CHRM5: variants seen among roughly 807,000 people sequenced by gnomAD.
The protein encoded by CHRM5 is muscarinic acetylcholine receptor M5.
A neutral mutation model predicts 39.0 loss-of-function variants in CHRM5; 18 were observed. That is an observed-to-expected ratio of 0.46 (90% CI 0.32 to 0.68). CHRM5 has a LOEUF of 0.68. Among genes scored for constraint, CHRM5 ranks in the 30% least tolerant of loss-of-function variants. The pLI, the probability that CHRM5 is intolerant of heterozygous loss-of-function variation, is 0.04. For synonymous variants in CHRM5, 241 were observed against 246.3 expected (o/e 0.98, Z 0.20); for missense variants, 515 against 651.1 (o/e 0.79, Z 2.28).
chr15:34,061,519 ATATT>A (rs1365355022), intron 2 of CHRM5, among the ~76,000 whole-genome samples: 1 of 152,198 alleles, frequency 6.6e-6, no homozygotes, highest in Non-Finnish European at 1.5e-5. Flanking sequence ...TTGTATTTAA[ATATT>A]TATTTATTAG....
intron 1 of CHRM5, among the ~76,000 whole-genome samples, chr15:33,988,693 C>G (rs1399667183): frequency 1.3e-5 from 2 of 152,116 alleles, no homozygotes; most frequent in African/African-American, 2.4e-5. Flanking sequence ...ACTTAACACA[C>G]AAGTAAAACA....
intron 2 of CHRM5, among the ~76,000 whole-genome samples, chr15:34,049,953 T>G (rs965659903): frequency 6.7e-6 from 1 of 148,904 alleles, no homozygotes; most frequent in African/African-American, 2.5e-5. Flanking sequence ...AGTGGCACAA[T>G]CTCAGCTCAC....
At chr15:34,020,325 A>C (rs1362871546) in intron 1 of CHRM5, among the ~76,000 whole-genome samples, 1 of 152,148 alleles carries the variant, frequency 6.6e-6, no homozygotes, top group Non-Finnish European at 1.5e-5. Flanking sequence ...AAAAAAGAAA[A>C]AAAAATAGAG....
rs897230954 is a variant in CHRM5, at chr15:33,988,116, C to G, written c.-408+18966C>G. 2.6e-5 allele frequency among the ~76,000 whole-genome samples: 4 copies of G among 152,238 alleles called. 1 individual carries two copies. Among genetic ancestry groups the G allele is most frequent in the East Asian group, 1.9e-4 (1 of 5,194 alleles). On this transcript the variant is annotated intron_variant, in intron 1 of 2. Coordinates refer to ENST00000383263, the MANE Select transcript of CHRM5 (RefSeq NM_012125.4). Reference sequence around the variant, plus strand: ...TCTGTCCAGGTGCCTGCCTCCAGCCCAAAGGCAGCTTCTTAACCAACCACA... The same window carrying G: ...TCTGTCCAGGTGCCTGCCTCCAGCCGAAAGGCAGCTTCTTAACCAACCACA...
At chr15:34,055,018 C>T (rs1366301371) in intron 2 of CHRM5, among the ~76,000 whole-genome samples, 1 of 151,944 alleles carries the variant, frequency 6.6e-6, no homozygotes, top group African/African-American at 2.4e-5. Context: ...CATGGAGAAA[C>T]CCCATCTCTA....
chr15:34,024,612 G>A (rs558001575), intron 1 of CHRM5, among the ~76,000 whole-genome samples: 2 of 152,154 alleles, frequency 1.3e-5, no homozygotes, highest in East Asian at 3.9e-4. Context: ...CAGCACTTTG[G>A]GAGGCCGAGG....
At chr15:33,982,188 A>T (rs1159378313) in intron 1 of CHRM5, among the ~76,000 whole-genome samples, 1 of 152,134 alleles carries the variant, frequency 6.6e-6, no homozygotes, top group Non-Finnish European at 1.5e-5. Context: ...TTATTTTAAC[A>T]CATTTGTTAA....
intron 1 of CHRM5, among the ~76,000 whole-genome samples, chr15:34,024,268 A>G (rs936927560): frequency 5.9e-5 from 9 of 152,188 alleles, no homozygotes; most frequent in Non-Finnish European, 1.3e-4. Context: ...TTATAAATAC[A>G]TAAGACACCA....
chr15:34,019,272 T>A (rs1898102802), intron 1 of CHRM5, among the ~76,000 whole-genome samples: 1 of 152,230 alleles, frequency 6.6e-6, no homozygotes, highest in African/African-American at 2.4e-5. Context: ...CTTTTAAAAG[T>A]AGAAAAGTAT....
chr15:34,002,618 A>G (rs1897178922), intron 1 of CHRM5, among the ~76,000 whole-genome samples: 1 of 152,202 alleles, frequency 6.6e-6, no homozygotes, highest in Non-Finnish European at 1.5e-5. Context: ...ATCCACTACT[A>G]TGTATATACC....
chr15:34,002,873 C>T (rs1368490586), intron 1 of CHRM5, among the ~76,000 whole-genome samples: 2 of 152,102 alleles, frequency 1.3e-5, no homozygotes, highest in Admixed American at 1.3e-4. Flanking sequence ...TCATTTTTTT[C>T]CCTTACAAGC....
chr15:33,983,128 C>CTG (rs373285133), intron 1 of CHRM5, among the ~76,000 whole-genome samples: 17,669 of 134,968 alleles, frequency 0.13, 1,239 homozygotes, highest in Middle Eastern at 0.2. Context: ...TGTCCATACT[C>CTG]TGTGTGTGTG....
At chr15:34,055,530 A>G (rs538592264) in intron 2 of CHRM5, among the ~76,000 whole-genome samples, 1 of 151,110 alleles carries the variant, frequency 6.6e-6, no homozygotes, top group South Asian at 2.1e-4. Context: ...GGCTGGGCAC[A>G]GTGGCTCATG....
chr15:34,001,269 G>A (rs1360214726), intron 1 of CHRM5, among the ~76,000 whole-genome samples: 3 of 152,066 alleles, frequency 2.0e-5, no homozygotes, highest in Non-Finnish European at 4.4e-5. Context: ...CAATCTACCT[G>A]CCTCGGCCTC....
chr15:33,989,422 T>A (rs8042524), intron 1 of CHRM5, among the ~76,000 whole-genome samples: 1 of 151,224 alleles, frequency 6.6e-6, no homozygotes, highest in African/African-American at 2.4e-5. Context: ...GGAGGTATTA[T>A]TTCTAACAGC....
rs190406640 is a variant in CHRM5 at position 33,984,447 on chromosome 15, G to A, written c.-408+15297G>A. On this transcript the variant is annotated intron_variant, in intron 1 of 2. Coordinates refer to ENST00000383263, the MANE Select transcript of CHRM5 (RefSeq NM_012125.4). ...GACAGAGTTTCACTCTTGTTGCTCA[G>A]GCTGGAGTGCAATGGCATGATCTCG... Among the ~76,000 whole-genome samples the A allele has an allele frequency of 2.8e-3, 431 of 151,806 alleles. 2 individuals carry two copies. The highest frequency in any genetic ancestry group is 4.6e-3 in the Non-Finnish European group (315 of 67,940).
At chr15:34,057,023 A>G (rs579975) in intron 2 of CHRM5, among the ~76,000 whole-genome samples, 96,362 of 152,018 alleles carry the variant, frequency 0.63, 32,306 homozygotes, top group South Asian at 0.78. Context: ...TTAGCACCAC[A>G]AAGCATCTAA....
At chr15:34,031,727 A>G (rs551086011) in intron 1 of CHRM5, among the ~76,000 whole-genome samples, 10 of 152,310 alleles carry the variant, frequency 6.6e-5, no homozygotes, top group African/African-American at 2.4e-4. Context: ...TGTTCTTCAC[A>G]GGAATTGCCT....
In CHRM5 at chr15:33,986,108, TTTG is replaced by T. The variant is rs1243306135; in HGVS notation, c.-408+16961_-408+16963del. On this transcript the variant is annotated intron_variant, in intron 1 of 2. Transcript: ENST00000383263. Reference sequence around the variant, plus strand: ...TCACTGTAAATTTTTTTTTTTGTTTTTTGTTTTTTGTTTTTTGAGATGGACTCT... The same window carrying T: ...TCACTGTAAATTTTTTTTTTTGTTTTTTTTTTGTTTTTTGAGATGGACTCT... Among the ~76,000 whole-genome samples, 9 of 2,540 alleles carry T rather than the reference TTTG, an allele frequency of 3.5e-3. No individual in the cohort carries two copies. In the South Asian group the frequency reaches 0.12, roughly 33 times the overall value. 1.7% of individuals were successfully genotyped at this position (2,540 alleles called of 152,430 possible). A position where few individuals can be genotyped will look rare whatever the true frequency, so the allele number is the denominator to read the frequency against.
Sources: gnomAD v4.1 joint callset for allele counts (sites outside exome capture counted in the v4.1 genomes callset) on GRCh38, gnomAD v4.1.1 for gene constraint, MANE v1.5 for transcripts, NCBI Gene and HGNC (gene_info 2026-07-23, HGNC 2026-07-21) for gene names.